The following RBM20 variants were observed in gnomAD, a reference collection of about 807,000 sequenced individuals.
The protein encoded by RBM20 is RNA binding motif protein 20.
In RBM20, 51 loss-of-function variants were observed where a neutral mutation model predicts 110.1. The observed-to-expected ratio is 0.46, with a 90% CI of 0.37 to 0.59. The LOEUF (loss-of-function observed/expected upper bound fraction) is 0.59. Ranked by LOEUF, RBM20 falls within the 20% of genes least tolerant of loss-of-function variation. The pLI, the probability that RBM20 is intolerant of heterozygous loss-of-function variation, is 0.00. For missense variants in RBM20, 1,512 were observed against 1,574.9 expected (o/e 0.96, Z 0.68); for synonymous variants, 589 against 618.2 (o/e 0.95, Z 0.70).
chr10:110,771,312 A>G (rs181273623), intron 1 of RBM20, among the ~76,000 whole-genome samples: 101 of 152,058 alleles, frequency 6.6e-4, no homozygotes, highest in African/African-American at 2.3e-3. Context: ...TTTTTTTAGT[A>G]GAGACCAGGT....
chr10:110,645,959 C>T (rs144307341), intron 1 of RBM20, among the ~76,000 whole-genome samples: 67 of 152,220 alleles, frequency 4.4e-4, no homozygotes, highest in African/African-American at 1.6e-3. Context: ...ATATGATTGA[C>T]AATTTATGTA....
In RBM20 at chr10:110,644,765, T is replaced by A; in HGVS notation, c.191+120T>A. 1.4e-6 allele frequency: 1 copy of A among 737,106 alleles called. No homozygotes were observed. Among genetic ancestry groups the A allele is most frequent in the Non-Finnish European group, 2.1e-6 (1 of 486,334 alleles). The allele number at this position is 737,106 out of a possible 1,614,324, so 45.7% of individuals were successfully genotyped here. ...TCGCTCGCCCCCCTTGGGTTTGAAGTTTTCTCGTACCCCCTCTGGGCAGAG... is the reference window on the plus strand; with the variant it reads ...TCGCTCGCCCCCCTTGGGTTTGAAGATTTCTCGTACCCCCTCTGGGCAGAG... On this transcript the variant is annotated intron_variant, in intron 1 of 13. Coordinates refer to ENST00000369519, the MANE Select transcript of RBM20 (RefSeq NM_001134363.3). The surrounding 1 kb of genome is among the most constrained non-coding windows in gnomAD (Gnocchi z 4.3).
At chr10:110,812,129 C>T in intron 8 of RBM20, 149 bp from the exon 9 acceptor site, 1 of 747,196 alleles carries the variant, frequency 1.3e-6, no homozygotes. Context: ...TCTCCTGAAC[C>T]ACTCTGTGTG....
intron 1 of RBM20, among the ~76,000 whole-genome samples, chr10:110,712,580 A>G (rs554488141): frequency 1.3e-5 from 2 of 152,314 alleles, no homozygotes; most frequent in East Asian, 1.9e-4. Context: ...CAGCCTGGCC[A>G]AAATGGTGAA....
chr10:110,712,938 T>G (rs1862957989), intron 1 of RBM20, among the ~76,000 whole-genome samples: 2 of 152,264 alleles, frequency 1.3e-5, no homozygotes, highest in Non-Finnish European at 2.9e-5. Flanking sequence ...TATCTTAAAA[T>G]GGTTGCCGTC....
chr10:110,709,665 C>T (rs1862894189), intron 1 of RBM20, among the ~76,000 whole-genome samples: 1 of 151,026 alleles, frequency 6.6e-6, no homozygotes, highest in Admixed American at 6.6e-5. Context: ...CTCCTGAGCT[C>T]AGGTGATCCT....
At chr10:110,645,852 A>G (rs995351059) in intron 1 of RBM20, among the ~76,000 whole-genome samples, 29 of 152,228 alleles carry the variant, frequency 1.9e-4, no homozygotes, top group South Asian at 2.1e-4. Flanking sequence ...GATATTTTAT[A>G]TAACTTTCAA....
chr10:110,658,070 G>A (rs79827819), intron 1 of RBM20, among the ~76,000 whole-genome samples: 8,785 of 151,730 alleles, frequency 0.058, 698 homozygotes, highest in African/African-American at 0.18. Flanking sequence ...TTTTCATTTG[G>A]CAAGTAATTA....
chr10:110,666,740 A>AT (rs1862184209), intron 1 of RBM20, among the ~76,000 whole-genome samples: 2 of 152,188 alleles, frequency 1.3e-5, no homozygotes, highest in African/African-American at 4.8e-5. Flanking sequence ...CAGTCTTTCC[A>AT]TCTTACCTTA....
chr10:110,643,266 G>A (rs1861813237), upstream of RBM20, among the ~76,000 whole-genome samples: 1 of 152,272 alleles, frequency 6.6e-6, no homozygotes, highest in African/African-American at 2.4e-5. Context: ...ATGCCGGACA[G>A]CCGGTAAGGT....
chr10:110,644,134 C>T (rs1220892655), upstream of RBM20, among the ~76,000 whole-genome samples: 1 of 152,142 alleles, frequency 6.6e-6, no homozygotes, highest in African/African-American at 2.4e-5. This position sits in a 1 kb window ranked among gnomAD's most constrained non-coding sequence, Gnocchi z 4.3. Flanking sequence ...GCTCCCTCCC[C>T]GCTTCCTGCG....
At position 110,812,915 on chromosome 10, in the gene RBM20, G is replaced by A. The variant is rs1029261119; in HGVS notation, c.2518G>A (p.Asp840Asn). ...RTDRDQEGADDRKENTMAENE... is the reference protein window; with the variant it reads ...RTDRDQEGADNRKENTMAENE... ...TGATAGAGACCAAGAAGGAGCTGATGATAGAAAAGAAAACACAATGGCAGA... is the reference window on the plus strand; with the variant it reads ...TGATAGAGACCAAGAAGGAGCTGATAATAGAAAAGAAAACACAATGGCAGA... Residue 840 changes from aspartate (D) to asparagine (N), a missense_variant, in exon 9 of 14, where the codon GAT becomes AAT. Physicochemically the swap from Asp to Asn is conservative, Grantham distance 23. This residue lies in a region of RBM20 where 1,149 missense variants were observed against 1,169.4 expected (regional missense o/e 0.98). Coordinates refer to ENST00000369519, the MANE Select transcript of RBM20 (RefSeq NM_001134363.3). The A allele has an allele frequency of 1.1e-5, 16 of 1,453,186 alleles. No individual in the cohort carries two copies. Among genetic ancestry groups the A allele is most frequent in the Non-Finnish European group, 1.2e-5 (13 of 1,101,426 alleles). 90.0% of individuals were successfully genotyped at this position (1,453,186 alleles called of 1,614,324 possible).
chr10:110,755,674 G>A (rs902614698), intron 1 of RBM20, among the ~76,000 whole-genome samples: 2 of 152,214 alleles, frequency 1.3e-5, no homozygotes, highest in Non-Finnish European at 2.9e-5. Flanking sequence ...GTAGCCACAT[G>A]GGATATTGAC....
At chr10:110,814,414 C>T (rs916256210) in intron 9 of RBM20, among the ~76,000 whole-genome samples, 1 of 152,096 alleles carries the variant, frequency 6.6e-6, no homozygotes, top group Non-Finnish European at 1.5e-5. Context: ...TAACTCTGCA[C>T]AGGAACGGGA....
intron 5 of RBM20, 75 bp downstream of exon 5, chr10:110,784,964 A>G: frequency 9.9e-7 from 1 of 1,008,788 alleles, no homozygotes; most frequent in Non-Finnish European, 1.5e-6. Flanking sequence ...TTTATTTGAG[A>G]CAGCCAGGCT....
chr10:110,679,364 T>C (rs1862387251), intron 1 of RBM20, among the ~76,000 whole-genome samples: 1 of 152,012 alleles, frequency 6.6e-6, no homozygotes, highest in Admixed American at 6.6e-5. Context: ...GCTGGGACTA[T>C]AGGCACGAGC....
intron 1 of RBM20, among the ~76,000 whole-genome samples, chr10:110,656,015 T>A (rs1862021900): frequency 6.6e-6 from 1 of 152,116 alleles, no homozygotes; most frequent in South Asian, 2.1e-4. Context: ...TAATAAACAT[T>A]GTTGGCTGGG....
chr10:110,812,670 G>C lies in RBM20; in HGVS notation c.2273G>C (p.Gly758Ala). 6.4e-7 allele frequency: 1 copy of C among 1,551,694 alleles called. No homozygotes were observed. Among genetic ancestry groups the C allele is most frequent in the South Asian group, 1.2e-5 (1 of 84,052 alleles). Reference sequence around the variant, plus strand: ...TCCAGCTACAAAAGCCGTGAAGACGGCTACTACCGGAAAGAGCCCAAAGCC... The same window carrying C: ...TCCAGCTACAAAAGCCGTGAAGACGCCTACTACCGGAAAGAGCCCAAAGCC... ...SVSSYKSRED[G>A]YYRKEPKAKS... The change falls in exon 9 of 14, where the codon GGC (glycine) becomes GCC (alanine). Residue 758 changes from glycine (G) to alanine (A), a missense_variant. Physicochemically the swap from Gly to Ala is moderately conservative, Grantham distance 60. Transcript: ENST00000369519.
intron 1 of RBM20, among the ~76,000 whole-genome samples, chr10:110,668,991 T>G (rs185890620): frequency 1.3e-5 from 2 of 152,298 alleles, no homozygotes; most frequent in East Asian, 1.9e-4. Context: ...ATGGAAAACA[T>G]ATTTACAGTT....
Sources: gnomAD v4.1 joint callset for allele counts (sites outside exome capture counted in the v4.1 genomes callset) on GRCh38, gnomAD v4.1.1 for gene constraint, gnomAD v4.1.1 regional missense constraint, Gnocchi (gnomAD v3.1) non-coding constraint, MANE v1.5 for transcripts, NCBI Gene and HGNC (gene_info 2026-07-23, HGNC 2026-07-21) for gene names.